PTPRK: variants seen among roughly 807,000 people sequenced by gnomAD.
The protein encoded by PTPRK is receptor-type tyrosine-protein phosphatase kappa.
Under a neutral mutation model 178.0 loss-of-function variants are expected in PTPRK, and 75 were observed. The ratio of observed to expected loss-of-function variants is 0.42; its 90% CI spans 0.35 to 0.51. The LOEUF is 0.51. PTPRK is among the 20% of genes least tolerant of loss of function. The pLI, the probability that PTPRK is intolerant of heterozygous loss-of-function variation, is 0.02. For synonymous variants in PTPRK, 637 were observed against 620.6 expected, an observed-to-expected ratio of 1.03 and a Z score of -0.39; for missense variants, 1,441 against 1,797.8, an observed-to-expected ratio of 0.80 and a Z score of 3.59.
chr6:128,358,514 T>G (rs1834264779), intron 2 of PTPRK, among the ~76,000 whole-genome samples: 1 of 152,178 alleles, frequency 6.6e-6, no homozygotes, highest in Non-Finnish European at 1.5e-5. Flanking sequence ...CATGGTACAA[T>G]AAGAAGAAAA....
intron 7 of PTPRK, among the ~76,000 whole-genome samples, chr6:128,131,275 CTG>C (rs990936705): frequency 2.0e-5 from 3 of 152,166 alleles, no homozygotes; most frequent in African/African-American, 7.2e-5. Context: ...CACATACAAG[CTG>C]TGTGTTGCTT....
At chr6:128,160,890 C>T (rs1393471665) in intron 7 of PTPRK, among the ~76,000 whole-genome samples, 4 of 151,506 alleles carry the variant, frequency 2.6e-5, no homozygotes, top group Non-Finnish European at 5.9e-5. Context: ...TCCTTTAATG[C>T]TTTAGTGACC....
At chr6:128,090,035 A>G in intron 7 of PTPRK, 43 bp from the exon 8 acceptor site, 1 of 1,452,346 alleles carries the variant, frequency 6.9e-7, no homozygotes, top group East Asian at 2.3e-5. Flanking sequence ...CTATTATATC[A>G]TGAATAATCC....
intron 5 of PTPRK, among the ~76,000 whole-genome samples, chr6:128,223,289 T>C (rs1438651355): frequency 6.6e-6 from 1 of 152,020 alleles, no homozygotes; most frequent in Non-Finnish European, 1.5e-5. Flanking sequence ...CTTAGGCTTT[T>C]ATTAAGTTAT....
intron 1 of PTPRK, among the ~76,000 whole-genome samples, chr6:128,487,992 T>C (rs1372269230): frequency 6.6e-6 from 1 of 152,154 alleles, no homozygotes; most frequent in East Asian, 1.9e-4. Flanking sequence ...TAAGGAGTAC[T>C]GACTCACACA....
intron 7 of PTPRK, among the ~76,000 whole-genome samples, chr6:128,182,083 A>T (rs1283788501): frequency 6.6e-6 from 1 of 152,152 alleles, no homozygotes; most frequent in Non-Finnish European, 1.5e-5. Context: ...GCTATAATAA[A>T]CATGTGATAA....
At chr6:128,195,787 A>C (rs1460485999) in intron 6 of PTPRK, among the ~76,000 whole-genome samples, 2 of 152,136 alleles carry the variant, frequency 1.3e-5, no homozygotes, top group African/African-American at 4.8e-5. Flanking sequence ...GACTTATTTA[A>C]AGATCTTCAT....
At chr6:128,003,283 T>C in intron 15 of PTPRK, 5 of 1,463,396 alleles carry the variant, frequency 3.4e-6, no homozygotes, top group Non-Finnish European at 4.7e-6. Flanking sequence ...AAATTGTTTT[T>C]TAAAATCTTT....
At chr6:128,112,917 C>A (rs1222632642) in intron 7 of PTPRK, among the ~76,000 whole-genome samples, 1 of 152,110 alleles carries the variant, frequency 6.6e-6, no homozygotes, top group Admixed American at 6.5e-5. Context: ...TTTCCTATCT[C>A]TTTTTCCAAA....
chr6:128,407,633 C>CAAAAAAAAAAAAAA lies in PTPRK; in HGVS notation c.101-9959_101-9946dup, dbSNP rs56189580. On this transcript the variant is annotated intron_variant, in intron 1 of 29. Transcript: ENST00000368226. ...CCTGATGGACAGAGCAAGACCCTAT[C>CAAAAAAAAAAAAAA]AAAAAAAAAAAAAAAAAAAAAAGAA... Among the ~76,000 whole-genome samples, 3 of 97,776 alleles carry CAAAAAAAAAAAAAA rather than the reference C, an allele frequency of 3.1e-5. 1 individual carries two copies. The highest frequency in any genetic ancestry group is 4.1e-5 in the African/African-American group (1 of 24,330). 64.1% of individuals were successfully genotyped at this position (97,776 alleles called of 152,430 possible). A position where few individuals can be genotyped will look rare whatever the true frequency, so the allele number is the denominator to read the frequency against.
intron 7 of PTPRK, among the ~76,000 whole-genome samples, chr6:128,167,064 A>C (rs1457099036): frequency 3.3e-5 from 5 of 151,686 alleles, no homozygotes; most frequent in African/African-American, 9.7e-5. Flanking sequence ...AACAAAAAAA[A>C]CTCCCTCAAA....
chr6:128,349,101 A>G (rs1462927227), intron 2 of PTPRK, among the ~76,000 whole-genome samples: 1 of 152,148 alleles, frequency 6.6e-6, no homozygotes, highest in African/African-American at 2.4e-5. Flanking sequence ...GGCATAAGAC[A>G]AAATTCCCAA....
chr6:128,426,214 CT>C (rs1234216186), intron 1 of PTPRK, among the ~76,000 whole-genome samples: 1 of 152,148 alleles, frequency 6.6e-6, no homozygotes, highest in Non-Finnish European at 1.5e-5. Context: ...TTGAGGATGC[CT>C]TTCCCTTATG....
chr6:128,233,199 G>C (rs1043393135), intron 5 of PTPRK, among the ~76,000 whole-genome samples: 2 of 152,220 alleles, frequency 1.3e-5, no homozygotes, highest in African/African-American at 4.8e-5. Flanking sequence ...AAATGCTATA[G>C]CATGGGGTCA....
intron 3 of PTPRK, among the ~76,000 whole-genome samples, chr6:128,282,224 C>G (rs1374731194): frequency 6.6e-6 from 1 of 152,146 alleles, no homozygotes; most frequent in African/African-American, 2.4e-5. Flanking sequence ...GGCAATGCAG[C>G]TAATCCACAT....
chr6:128,034,725 A>G (rs76895828), intron 13 of PTPRK, among the ~76,000 whole-genome samples: 3,742 of 152,230 alleles, frequency 0.025, 170 homozygotes, highest in African/African-American at 0.087. Context: ...TTTGTTGTTA[A>G]TTTGAAAAAG....
intron 21 of PTPRK, among the ~76,000 whole-genome samples, chr6:127,988,736 C>A (rs960380344): frequency 6.6e-6 from 1 of 151,782 alleles, no homozygotes; most frequent in Non-Finnish European, 1.5e-5. Context: ...TTTCATTGTA[C>A]CTCATTTAGA....
chr6:128,067,356 T>TA (rs1234309509), intron 12 of PTPRK, 163 bp downstream of exon 12: 1 of 647,060 alleles, frequency 1.5e-6, no homozygotes, highest in Non-Finnish European at 2.3e-6. Context: ...GCCTCAGCCC[T>TA]ACTGTAGCCC....
At position 128,184,563 on chromosome 6, in the gene PTPRK, T is replaced by C. The variant is rs111411145; in HGVS notation, c.1031A>G (p.Asn344Ser). ...SGSWTETHAV[N>S]APTYKLWHLD... ...ATGCCATAATTTGTAAGTTGGAGCA[T>C]TGACTGCATGGGTTTCTGTCCAGGA... The change falls in exon 7 of 30, where the codon AAT becomes AGT. Residue 344 changes from asparagine (N) to serine (S), a missense_variant. By Grantham distance (46) the Asn-to-Ser change is conservative (BLOSUM62 1). This residue lies in a region of PTPRK where 945 missense variants were observed against 1,080.6 expected (regional missense o/e 0.87). Transcript: ENST00000368226. 5.0e-6 allele frequency: 8 copies of C among 1,613,916 alleles called. No individual in the cohort carries two copies. The highest frequency in any genetic ancestry group is 1.3e-5 in the African/African-American group (1 of 74,916).
Sources: allele counts gnomAD v4.1 joint callset (sites outside exome capture counted in the v4.1 genomes callset), GRCh38; gene constraint gnomAD v4.1.1; regional missense constraint gnomAD v4.1.1; transcripts MANE v1.5; gene names NCBI Gene and HGNC (gene_info 2026-07-23, HGNC 2026-07-21).